Variants in OSMR observed in about 807,000 individuals in gnomAD.
OSMR encodes the protein oncostatin-M-specific receptor subunit beta.
A neutral mutation model predicts 99.9 loss-of-function variants in OSMR; 81 were observed. The observed-to-expected ratio is 0.81, with a 90% CI of 0.68 to 0.97. OSMR has a LOEUF of 0.97. Among genes scored for constraint, OSMR ranks in the 50% least tolerant of loss-of-function variants. OSMR has a pLI of 0.00. For missense variants in OSMR, 1,099 were observed against 1,153.4 expected (o/e 0.95, Z 0.68); for synonymous variants, 406 against 410.4 (o/e 0.99, Z 0.13).
At chr5:38,940,524 T>C (rs1747446399), downstream of OSMR, 1 of 232,682 alleles carries the variant, frequency 4.3e-6, no homozygotes, top group African/African-American at 2.2e-5. Context: ...GACATTTAAA[T>C]AAACACTTGG....
In OSMR at chr5:38,889,997, G is replaced by A. The variant is rs534399229; in HGVS notation, c.991+3807G>A. Among the ~76,000 whole-genome samples the A allele has an allele frequency of 3.0e-4, 46 of 152,184 alleles. 1 individual carries two copies. The highest frequency in any genetic ancestry group is 3.4e-3 in the Middle Eastern group (1 of 294). On this transcript the variant is annotated intron_variant, in intron 7 of 17. Coordinates refer to ENST00000274276, the MANE Select transcript of OSMR (RefSeq NM_003999.3). ...TTTAACTTAACATTGCAGTGCTTTCGTTATAACAAACTATATATGATACCA... is the reference window on the plus strand; with the variant it reads ...TTTAACTTAACATTGCAGTGCTTTCATTATAACAAACTATATATGATACCA...
chr5:38,908,153 C>G (rs1294063415), intron 9 of OSMR, among the ~76,000 whole-genome samples: 1 of 152,246 alleles, frequency 6.6e-6, no homozygotes, highest in Non-Finnish European at 1.5e-5. Flanking sequence ...AACCACGGCC[C>G]TGCCTTCCCA....
At chr5:38,907,255 G>T (rs1407612295) in intron 9 of OSMR, among the ~76,000 whole-genome samples, 1 of 152,202 alleles carries the variant, frequency 6.6e-6, no homozygotes, top group Non-Finnish European at 1.5e-5. Flanking sequence ...GCAACTCCTG[G>T]GGAAGGGGTT....
At chr5:38,917,423 C>T (rs941480270) in intron 9 of OSMR, 123 bp from the exon 10 acceptor site, 23 of 1,488,334 alleles carry the variant, frequency 1.5e-5, no homozygotes, top group Non-Finnish European at 1.9e-5. Context: ...AGAGTGAAAA[C>T]GGGAGAGGCA....
At chr5:38,882,041 T>C (rs778223992) in intron 4 of OSMR, among the ~76,000 whole-genome samples, 8 of 152,264 alleles carry the variant, frequency 5.3e-5, no homozygotes, top group Non-Finnish European at 1.2e-4. Context: ...GTATTATAAA[T>C]GCTAAGTGAA....
At chr5:38,944,158 G>A in intron 1 of OSMR, 1 of 487,380 alleles carries the variant, frequency 2.1e-6, no homozygotes, top group Non-Finnish European at 3.9e-6. Context: ...TTTTCCAAAA[G>A]TAAAAAAGTG....
chr5:38,916,261 G>T (rs1745892006), intron 9 of OSMR, among the ~76,000 whole-genome samples: 1 of 152,116 alleles, frequency 6.6e-6, no homozygotes, highest in African/African-American at 2.4e-5. Context: ...CCATTGCTGA[G>T]ATTTTTTTTA....
In OSMR at chr5:38,862,226, C is replaced by T. The variant is rs1181202261; in HGVS notation, c.-13-6806C>T. On this transcript the variant is annotated intron_variant, in intron 1 of 17. Coordinates refer to ENST00000274276, the MANE Select transcript of OSMR (RefSeq NM_003999.3). ...GGCGCCCCTCACCTCCCGGACGGGGCGGCTGGCTGGGCGGGGGGCTGACCC... is the reference window on the plus strand; with the variant it reads ...GGCGCCCCTCACCTCCCGGACGGGGTGGCTGGCTGGGCGGGGGGCTGACCC... Among the ~76,000 whole-genome samples the T allele has an allele frequency of 2.8e-4, 30 of 105,732 alleles. 3 individuals carry two copies. In the South Asian group the frequency reaches 7.5e-3, roughly 26 times the overall value. 69.4% of individuals were successfully genotyped at this position (105,732 alleles called of 152,430 possible).
At chr5:38,922,432 G>A (rs1463817706) in intron 12 of OSMR, among the ~76,000 whole-genome samples, 1 of 152,184 alleles carries the variant, frequency 6.6e-6, no homozygotes, top group Non-Finnish European at 1.5e-5. Flanking sequence ...GGGGAAATGA[G>A]GAAGTGGAAG....
chr5:38,936,981 C>CT (rs1451078826), downstream of OSMR, among the ~76,000 whole-genome samples: 1 of 152,160 alleles, frequency 6.6e-6, no homozygotes, highest in Non-Finnish European at 1.5e-5. Flanking sequence ...TACATTAGGA[C>CT]TTTTTTAAAG....
At position 38,934,359 on chromosome 5, in the gene OSMR, T is replaced by G. The variant is rs187503522; in HGVS notation, c.*915T>G. 6.6e-6 allele frequency: 1 copy of G among 152,516 alleles called. No homozygotes were observed. The highest frequency in any genetic ancestry group is 6.5e-5 in the Admixed American group (1 of 15,298). 9.4% of individuals were successfully genotyped at this position (152,516 alleles called of 1,614,324 possible). A position where few individuals can be genotyped will look rare whatever the true frequency, so the allele number is the denominator to read the frequency against. ...GGGTCAAGATAACTCTCAGTCACAT[T>G]TATATTCATATTATGCTAAAATAGT... On this transcript the variant is annotated 3_prime_UTR_variant, in exon 18 of 18. Transcript: ENST00000274276.
At chr5:38,852,696 A>G (rs1379084176) in intron 1 of OSMR, among the ~76,000 whole-genome samples, 2 of 141,840 alleles carry the variant, frequency 1.4e-5, no homozygotes, top group Admixed American at 7.2e-5. Context: ...TCTTTGTGAT[A>G]CATATTGAAA....
exon 2 of OSMR, chr5:38,944,231 T>C (rs760229968): frequency 3.5e-5 from 22 of 626,564 alleles, no homozygotes; most frequent in African/African-American, 3.1e-4. Context: ...TAATAGAAGA[T>C]AGCTGGATTC....
At chr5:38,865,550 G>A (rs1741869956) in intron 1 of OSMR, among the ~76,000 whole-genome samples, 1 of 152,244 alleles carries the variant, frequency 6.6e-6, no homozygotes, top group South Asian at 2.1e-4. Context: ...GGCTTAGGCT[G>A]CTGTTGTTAG....
intron 11 of OSMR, 181 bp downstream of exon 11, chr5:38,919,243 T>C (rs1746106960): frequency 6.6e-7 from 1 of 1,522,574 alleles, no homozygotes; most frequent in African/African-American, 1.4e-5. Context: ...GTCCCCTCAG[T>C]GTGGGGAGAA....
At chr5:38,873,118 G>A (rs1321109552) in intron 2 of OSMR, among the ~76,000 whole-genome samples, 2 of 152,158 alleles carry the variant, frequency 1.3e-5, no homozygotes, top group African/African-American at 4.8e-5. Context: ...CTCAGCCCCT[G>A]GCAGCTACCA....
chr5:38,925,662 C>T (rs550430668), intron 15 of OSMR, among the ~76,000 whole-genome samples: 2 of 152,322 alleles, frequency 1.3e-5, no homozygotes, highest in South Asian at 2.1e-4. Flanking sequence ...CTCAGTCTCA[C>T]AATCCTGTAT....
Position 38,869,132 on chromosome 5 carries a change from G to C in OSMR, c.73+15G>C. 2 of 1,564,256 alleles carry C rather than the reference G, an allele frequency of 1.3e-6. No individual in the cohort carries two copies. Among genetic ancestry groups the C allele is most frequent in the South Asian group, 1.1e-5 (1 of 90,042 alleles). ...CCAGAGTGAAGGTAAGAAGTGGAAG[G>C]AACAGTAAAGACAAAAATCACGTCG... is the stretch of plus-strand genomic sequence containing the variant. On this transcript the variant is annotated intron_variant, in intron 2 of 17. Coordinates refer to ENST00000274276, the MANE Select transcript of OSMR (RefSeq NM_003999.3).
chr5:38,866,478 A>T (rs1741954028), intron 1 of OSMR, among the ~76,000 whole-genome samples: 1 of 152,072 alleles, frequency 6.6e-6, no homozygotes, highest in Non-Finnish European at 1.5e-5. Flanking sequence ...TTTTGTTCTG[A>T]GGGTAGCTTC....
Sources: allele counts gnomAD v4.1 joint callset (sites outside exome capture counted in the v4.1 genomes callset), GRCh38; gene constraint gnomAD v4.1.1; transcripts MANE v1.5; gene names NCBI Gene and HGNC (gene_info 2026-07-23, HGNC 2026-07-21).